DNMBP: variants seen among roughly 807,000 people sequenced by gnomAD.
The protein encoded by DNMBP is dynamin-binding protein.
A neutral mutation model predicts 150.0 loss-of-function variants in DNMBP; 87 were observed. The ratio of observed to expected loss-of-function variants is 0.58; its 90% CI spans 0.49 to 0.69. The LOEUF (loss-of-function observed/expected upper bound fraction) is 0.69, where lower values mean the gene tolerates loss of function less well. Among genes scored for constraint, DNMBP ranks in the 30% least tolerant of loss-of-function variants. The pLI is 0.00. For synonymous variants in DNMBP, 711 were observed against 750.4 expected (o/e 0.95, Z 0.86); for missense variants, 1,774 against 1,949.0 (o/e 0.91, Z 1.69).
intron 4 of DNMBP, among the ~76,000 whole-genome samples, chr10:99,940,676 A>G (rs978370845): frequency 7.9e-5 from 12 of 152,114 alleles, no homozygotes; most frequent in African/African-American, 2.9e-4. Flanking sequence ...GCTTTCTTTT[A>G]TAGCAAAACT....
At chr10:99,958,881 C>T (rs1418611951) in intron 3 of DNMBP, among the ~76,000 whole-genome samples, 10 of 152,184 alleles carry the variant, frequency 6.6e-5, no homozygotes, top group Non-Finnish European at 1.3e-4. Context: ...TTTCAGATCC[C>T]ACACTGCAAT....
In DNMBP at chr10:99,880,250, G is replaced by A. The variant is rs760713393; in HGVS notation, c.4109C>T (p.Ser1370Phe). Residue 1370 changes from serine (S) to phenylalanine (F), a missense_variant, in exon 16 of 17, where the codon TCC becomes TTC. Coordinates refer to ENST00000324109, the MANE Select transcript of DNMBP (RefSeq NM_015221.4). The stretch of plus-strand genomic sequence containing the variant: ...GTTCTGGCGTGGGAACCTGGGGGAG[G>A]AGCTGCCGTGCTCAGACTCTGTGGA... ...HSSTESEHGS[S>F]SPRFPRQNSG... 2.5e-5 allele frequency: 41 copies of A among 1,614,012 alleles called. No individual in the cohort carries two copies. The Admixed American group carries it at 6.2e-4, about 24-fold the overall frequency.
In DNMBP at chr10:100,009,546, G is replaced by A. The variant is rs557257592; in HGVS notation, c.-11+292C>T. On this transcript the variant is annotated intron_variant, in intron 1 of 16. Coordinates refer to ENST00000324109, the MANE Select transcript of DNMBP (RefSeq NM_015221.4). ...CAGGGCGGTGCAGAGAAAGAGCCCT[G>A]GGCTTGACACCGCTTGAAAAGCCCA... 2.6e-5 allele frequency among the ~76,000 whole-genome samples: 4 copies of A among 152,326 alleles called. No homozygotes were observed. The South Asian group carries it at 8.3e-4, about 32-fold the overall frequency.
chr10:99,977,328 C>T (rs1453538949), intron 1 of DNMBP, among the ~76,000 whole-genome samples: 1 of 152,178 alleles, frequency 6.6e-6, no homozygotes. Context: ...ATGCCAGGGC[C>T]ATTTTAGAAG....
intron 4 of DNMBP, among the ~76,000 whole-genome samples, chr10:99,950,522 A>T (rs1382042877): frequency 6.6e-6 from 1 of 152,214 alleles, no homozygotes; most frequent in Non-Finnish European, 1.5e-5. Context: ...TTGTTGAATG[A>T]CTTTGACCAA....
chr10:99,882,189 A>G (rs2039377448), intron 15 of DNMBP, among the ~76,000 whole-genome samples: 1 of 152,226 alleles, frequency 6.6e-6, no homozygotes, highest in Non-Finnish European at 1.5e-5. Context: ...GGTTGAGAGT[A>G]GAATGCTAGA....
intron 4 of DNMBP, among the ~76,000 whole-genome samples, chr10:99,931,192 C>G (rs919418365): frequency 1.3e-5 from 2 of 152,184 alleles, no homozygotes; most frequent in South Asian, 2.1e-4. Context: ...CAGTCTCCCC[C>G]GCCTCTTTAA....
chr10:99,987,978 G>A, intron 1 of DNMBP, among the ~76,000 whole-genome samples: 1 of 152,108 alleles, frequency 6.6e-6, no homozygotes, highest in East Asian at 1.9e-4. Flanking sequence ...GGGCCATCTA[G>A]GCAGTTAGCA....
chr10:99,941,224 T>G (rs1327032173), intron 4 of DNMBP, among the ~76,000 whole-genome samples: 1 of 152,102 alleles, frequency 6.6e-6, no homozygotes, highest in Non-Finnish European at 1.5e-5. Context: ...CATTTGGCTT[T>G]CCTTCTCCTT....
intron 4 of DNMBP, among the ~76,000 whole-genome samples, chr10:99,909,942 A>C (rs1007492504): frequency 6.6e-6 from 1 of 152,208 alleles, no homozygotes; most frequent in Non-Finnish European, 1.5e-5. Flanking sequence ...AGGATGAGAG[A>C]GTTATCTATA....
rs938876285 is a variant in DNMBP at position 99,956,980 on chromosome 10, T to A, written c.494A>T (p.Asp165Val). ...GGTGATCACATCCCCTTCCCTGAAG[T>A]CCAGCTCTTCATCCAGCTGAGCAGA... ...GLSAQLDEEL[D>V]FREGDVITII... Residue 165 changes from aspartate (D) to valine (V), a missense_variant, in exon 4 of 17, where the codon GAC (aspartate) becomes GTC (valine). By Grantham distance (152) the Asp-to-Val change is radical. Around this residue, in one of 2 missense-constraint regions of DNMBP, gnomAD observed 344 missense variants for 456.6 expected, o/e 0.75. Coordinates refer to ENST00000324109, the MANE Select transcript of DNMBP (RefSeq NM_015221.4). The A allele has an allele frequency of 3.7e-6, 6 of 1,614,192 alleles. No homozygotes were observed. In the South Asian group the frequency reaches 6.6e-5, roughly 18 times the overall value.
intron 4 of DNMBP, chr10:99,913,883 C>A: frequency 7.9e-7 from 1 of 1,268,638 alleles, no homozygotes; most frequent in South Asian, 3.2e-5. Context: ...TCCCAGGTGC[C>A]CTTGAACAGG....
At chr10:99,965,331 C>T (rs930169012) in intron 3 of DNMBP, among the ~76,000 whole-genome samples, 1 of 152,064 alleles carries the variant, frequency 6.6e-6, no homozygotes, top group East Asian at 1.9e-4. Context: ...GAATTCTTAT[C>T]CCCTAAGCTA....
At chr10:99,886,756 C>T in intron 12 of DNMBP, 124 bp from the exon 13 acceptor site, 1 of 797,922 alleles carries the variant, frequency 1.3e-6, no homozygotes. Context: ...AGTACACAAG[C>T]TAAACCCATA....
intron 1 of DNMBP, among the ~76,000 whole-genome samples, chr10:99,998,545 A>G (rs2040977208): frequency 6.9e-6 from 1 of 144,720 alleles, no homozygotes; most frequent in South Asian, 2.1e-4. Flanking sequence ...ACACCACTGC[A>G]CTCCAGTTTG....
chr10:100,001,750 T>G (rs546188842), intron 1 of DNMBP, among the ~76,000 whole-genome samples: 5 of 150,488 alleles, frequency 3.3e-5, no homozygotes, highest in Admixed American at 1.3e-4. Flanking sequence ...AATAAATGAC[T>G]ATTTTCTCCA....
chr10:99,903,361 C>A (rs2039775137), intron 6 of DNMBP, among the ~76,000 whole-genome samples: 1 of 150,838 alleles, frequency 6.6e-6, no homozygotes. Context: ...AGAGATGGGG[C>A]CTTGCTCTGT....
At chr10:99,953,724 G>C (rs762961598) in intron 4 of DNMBP, among the ~76,000 whole-genome samples, 1 of 151,304 alleles carries the variant, frequency 6.6e-6, no homozygotes, top group Non-Finnish European at 1.5e-5. Context: ...GGAGGCTGAG[G>C]CATGAGATCA....
At chr10:100,000,971 G>T (rs370678155) in intron 1 of DNMBP, among the ~76,000 whole-genome samples, 12 of 149,208 alleles carry the variant, frequency 8.0e-5, no homozygotes, top group African/African-American at 2.9e-4. Flanking sequence ...GGTGGCTCAC[G>T]CCTGTAATCC....
Sources: gnomAD v4.1 joint callset for allele counts (sites outside exome capture counted in the v4.1 genomes callset) on GRCh38, gnomAD v4.1.1 for gene constraint, gnomAD v4.1.1 regional missense constraint, MANE v1.5 for transcripts, NCBI Gene and HGNC (gene_info 2026-07-23, HGNC 2026-07-21) for gene names.